Variants in BNC2 observed in about 807,000 individuals in gnomAD.
BNC2 encodes the protein basonuclin zinc finger protein 2, also known as zinc finger protein basonuclin-2.
A neutral mutation model predicts 76.3 loss-of-function variants in BNC2; 20 were observed. The ratio of observed to expected loss-of-function variants is 0.26; its 90% CI spans 0.18 to 0.38. The LOEUF (loss-of-function observed/expected upper bound fraction) is 0.38, where lower values mean the gene tolerates loss of function less well. BNC2 is among the 10% of genes least tolerant of loss of function. BNC2 has a pLI of 1.00. For synonymous variants in BNC2, 582 were observed against 514.8 expected (o/e 1.13, Z -1.77); for missense variants, 1,382 against 1,399.8 (o/e 0.99, Z 0.20).
intron 1 of BNC2, among the ~76,000 whole-genome samples, chr9:16,833,090 G>A (rs111749438): frequency 0.022 from 3,377 of 151,674 alleles, 112 homozygotes; most frequent in African/African-American, 0.075. Flanking sequence ...CCAATGTTGC[G>A]TTTATTTGTA....
chr9:16,655,982 G>C (rs972601133), intron 3 of BNC2, among the ~76,000 whole-genome samples: 1 of 152,158 alleles, frequency 6.6e-6, no homozygotes, highest in African/African-American at 2.4e-5. Flanking sequence ...CTTCAGAAGA[G>C]GCACATACAA....
intron 5 of BNC2, among the ~76,000 whole-genome samples, chr9:16,437,804 C>T (rs950050307): frequency 3.5e-4 from 54 of 152,156 alleles, no homozygotes; most frequent in African/African-American, 1.1e-3. Context: ...AAAATGCCTT[C>T]AGTACTGCTT....
chr9:16,780,645 T>A (rs1378901988), intron 1 of BNC2, among the ~76,000 whole-genome samples: 14 of 152,176 alleles, frequency 9.2e-5, no homozygotes, highest in Non-Finnish European at 7.3e-5. Flanking sequence ...TAAAAAGTAT[T>A]GGGCTTTTTT....
chr9:16,441,743 G>A (rs1192579792), intron 5 of BNC2, among the ~76,000 whole-genome samples: 1 of 152,108 alleles, frequency 6.6e-6, no homozygotes, highest in Admixed American at 6.6e-5. Context: ...ACAACTAAAG[G>A]CATGATACAT....
intron 3 of BNC2, among the ~76,000 whole-genome samples, chr9:16,687,780 C>T (rs924516911): frequency 1.3e-5 from 2 of 152,138 alleles, no homozygotes; most frequent in African/African-American, 4.8e-5. Context: ...TTTTTATCTT[C>T]ACAGTCACAG....
intron 5 of BNC2, among the ~76,000 whole-genome samples, chr9:16,455,714 C>T (rs191622104): frequency 5.9e-5 from 9 of 152,092 alleles, no homozygotes; most frequent in Non-Finnish European, 1.3e-4. Flanking sequence ...ATCGCTTGAA[C>T]CCAGGAGATG....
chr9:16,447,440 T>G (rs1821252474), intron 5 of BNC2, among the ~76,000 whole-genome samples: 1 of 152,062 alleles, frequency 6.6e-6, no homozygotes, highest in African/African-American at 2.4e-5. Flanking sequence ...TGAATCACTT[T>G]AATTAAAATG....
chr9:16,663,753 A>C (rs1036087613), intron 3 of BNC2, among the ~76,000 whole-genome samples: 3 of 152,236 alleles, frequency 2.0e-5, no homozygotes, highest in African/African-American at 7.2e-5. Flanking sequence ...ACAAAATTTT[A>C]AAGAGTCAGG....
chr9:16,756,231 A>G (rs991671141), intron 1 of BNC2, among the ~76,000 whole-genome samples: 15 of 152,330 alleles, frequency 9.8e-5, no homozygotes, highest in East Asian at 5.8e-4. Flanking sequence ...TGCCTACTCA[A>G]TAATAAATTA....
intron 5 of BNC2, among the ~76,000 whole-genome samples, chr9:16,469,041 C>T (rs148046867): frequency 6.6e-6 from 1 of 152,146 alleles, no homozygotes; most frequent in Non-Finnish European, 1.5e-5. Context: ...ATGAGCTTTT[C>T]AGCTTATGTG....
intron 3 of BNC2, chr9:16,685,713 G>C: frequency 2.2e-6 from 2 of 921,966 alleles, no homozygotes; most frequent in Non-Finnish European, 3.1e-6. Context: ...GCAGAGAGAG[G>C]AAATCCCAAC....
chr9:16,844,033 G>A (rs149955217), intron 1 of BNC2, among the ~76,000 whole-genome samples: 42 of 152,220 alleles, frequency 2.8e-4, no homozygotes, highest in Non-Finnish European at 5.0e-4. Context: ...TACGAAGCAC[G>A]AGGATAGCTC....
At chr9:16,759,725 A>T (rs1027607443) in intron 1 of BNC2, among the ~76,000 whole-genome samples, 10 of 141,412 alleles carry the variant, frequency 7.1e-5, no homozygotes, top group Admixed American at 4.9e-4. Flanking sequence ...GACATAAACT[A>T]TTTTTTTTTT....
At chr9:16,687,734 T>TA (rs1392424416) in intron 3 of BNC2, among the ~76,000 whole-genome samples, 3 of 152,200 alleles carry the variant, frequency 2.0e-5, no homozygotes, top group African/African-American at 7.2e-5. Flanking sequence ...ACCTTAAGAT[T>TA]ATTTGACCAC....
intron 1 of BNC2, among the ~76,000 whole-genome samples, chr9:16,824,651 C>T (rs1818411591): frequency 1.3e-5 from 2 of 152,126 alleles, no homozygotes; most frequent in South Asian, 4.2e-4. Flanking sequence ...CCAGCTAATG[C>T]CATGCCTGTC....
intron 5 of BNC2, among the ~76,000 whole-genome samples, chr9:16,524,319 G>C (rs1316555202): frequency 1.3e-5 from 2 of 152,134 alleles, no homozygotes; most frequent in African/African-American, 4.8e-5. Flanking sequence ...TTCAGCTCAG[G>C]TCTCTCATTT....
At chr9:16,726,059 G>C (rs553618372) in intron 3 of BNC2, among the ~76,000 whole-genome samples, 3 of 151,880 alleles carry the variant, frequency 2.0e-5, no homozygotes, top group East Asian at 1.9e-4. Context: ...GTGACATCTA[G>C]TTTTAAAAGT....
chr9:16,491,555 GCA>G (rs1464379542), intron 5 of BNC2, among the ~76,000 whole-genome samples: 1 of 152,152 alleles, frequency 6.6e-6, no homozygotes, highest in Non-Finnish European at 1.5e-5. Context: ...TGGGGAAATG[GCA>G]GTAATTCTAA....
chr9:16,450,671 T>C (rs773909655), intron 5 of BNC2, among the ~76,000 whole-genome samples: 1 of 152,342 alleles, frequency 6.6e-6, no homozygotes, highest in Non-Finnish European at 1.5e-5. Flanking sequence ...GGTAGAAACA[T>C]GCATGTACAC....
Sources: gnomAD v4.1 joint callset for allele counts (sites outside exome capture counted in the v4.1 genomes callset) on GRCh38, gnomAD v4.1.1 for gene constraint, MANE v1.5 for transcripts, NCBI Gene and HGNC (gene_info 2026-07-23, HGNC 2026-07-21) for gene names.